The following SLC2A5 variants were observed in gnomAD, a reference collection of about 807,000 sequenced individuals.
SLC2A5 encodes the protein solute carrier family 2 member 5.
A neutral mutation model predicts 50.3 loss-of-function variants in SLC2A5; 56 were observed. The observed-to-expected ratio is 1.11, with a 90% CI of 0.90 to 1.39. The LOEUF is 1.39. Ranked by LOEUF, SLC2A5 falls within the 40% of genes most tolerant of loss-of-function variation. SLC2A5 has a pLI of 0.00. For missense variants in SLC2A5, 566 were observed against 650.1 expected, an observed-to-expected ratio of 0.87 and a Z score of 1.41; for synonymous variants, 269 against 281.9, an observed-to-expected ratio of 0.95 and a Z score of 0.46.
chr1:9,055,476 C>T (rs534743361), intron 3 of SLC2A5, among the ~76,000 whole-genome samples: 4 of 151,942 alleles, frequency 2.6e-5, no homozygotes, highest in Non-Finnish European at 4.4e-5. Flanking sequence ...GAGATCACAC[C>T]ATTGCACTCC....
At chr1:9,041,585 T>C in intron 5 of SLC2A5, 200 bp downstream of exon 5, 2 of 1,432,668 alleles carry the variant, frequency 1.4e-6, no homozygotes, top group African/African-American at 1.4e-5. Context: ...TAGTAAACGC[T>C]GGCCAGTCCC....
In SLC2A5 at chr1:9,037,572, C is replaced by T. The variant is rs747675914; in HGVS notation, c.*14G>A. 1 of 1,612,628 alleles carries T rather than the reference C, an allele frequency of 6.2e-7. No homozygotes were observed. Among genetic ancestry groups the T allele is most frequent in the Non-Finnish European group, 8.5e-7 (1 of 1,179,038 alleles). On this transcript the variant is annotated 3_prime_UTR_variant, in exon 12 of 12. Coordinates refer to ENST00000377424, the MANE Select transcript of SLC2A5 (RefSeq NM_003039.3). ...GCCCCTGGCAGACCAGCTCCACTGG[C>T]TTCCTCTCCAGAGTCACTGTTCCGA... is the stretch of plus-strand genomic sequence containing the variant.
chr1:9,076,564 C>T (rs1009034518), intron 2 of SLC2A5, among the ~76,000 whole-genome samples: 14 of 152,090 alleles, frequency 9.2e-5, no homozygotes, highest in Non-Finnish European at 1.5e-4. Flanking sequence ...ATGCACAAAA[C>T]GGGGTTGCTA....
At chr1:9,070,479 C>A (rs1642191862), upstream of SLC2A5, among the ~76,000 whole-genome samples, 1 of 152,082 alleles carries the variant, frequency 6.6e-6, no homozygotes, top group Non-Finnish European at 1.5e-5. Context: ...GAACCCCTTT[C>A]CAGGCAGGGC....
At chr1:9,043,776 C>T (rs1018521458) in intron 4 of SLC2A5, among the ~76,000 whole-genome samples, 2 of 150,862 alleles carry the variant, frequency 1.3e-5, no homozygotes, top group Non-Finnish European at 2.9e-5. Context: ...GGCTGGAGTG[C>T]AGTGGTGCGA....
At chr1:9,080,803 A>G (rs1370649343) in intron 2 of SLC2A5, among the ~76,000 whole-genome samples, 1 of 152,258 alleles carries the variant, frequency 6.6e-6, no homozygotes. Context: ...AATTATTTTG[A>G]GTCTTAAAGG....
intron 3 of SLC2A5, among the ~76,000 whole-genome samples, chr1:9,048,265 T>G (rs1641484849): frequency 6.6e-6 from 1 of 152,124 alleles, no homozygotes; most frequent in Non-Finnish European, 1.5e-5. Context: ...TCCCAGCACT[T>G]TGGGAGGCCG....
intron 2 of SLC2A5, among the ~76,000 whole-genome samples, chr1:9,083,718 G>C (rs111584078): frequency 0.026 from 3,962 of 152,204 alleles, 100 homozygotes; most frequent in South Asian, 0.064. Context: ...CCAGCTACTC[G>C]GGAGGCTGAG....
chr1:9,060,590 CACAT>C (rs1641910621), intron 1 of SLC2A5, among the ~76,000 whole-genome samples: 1 of 123,668 alleles, frequency 8.1e-6, no homozygotes, highest in South Asian at 3.1e-4. Context: ...ACCCCCCACA[CACAT>C]AGGCAGAAAT....
At chr1:9,039,020 C>T (rs1421877528) in intron 8 of SLC2A5, 91 bp from the exon 9 acceptor site, 3 of 1,457,034 alleles carry the variant, frequency 2.1e-6, no homozygotes, top group Middle Eastern at 2.3e-4. Flanking sequence ...GAGAGCTGGG[C>T]GGACCGGGTG....
chr1:9,074,963 A>G (rs1168644415), intron 2 of SLC2A5, among the ~76,000 whole-genome samples: 2 of 152,072 alleles, frequency 1.3e-5, no homozygotes, highest in African/African-American at 2.4e-5. Context: ...TTCAGGCTGC[A>G]GTGAGATGTG....
chr1:9,083,353 T>C lies in SLC2A5; in HGVS notation c.-59+1661A>G, dbSNP rs532327587. Among the ~76,000 whole-genome samples the C allele has an allele frequency of 4.6e-5, 7 of 152,196 alleles. No homozygotes were observed. In the South Asian group the frequency reaches 1.2e-3, roughly 27 times the overall value. ...ATAATACAGGGTGGTCGCAGGAGAATAGAAAATTCCAGGCAGCAGTTTTGC... is the reference window on the plus strand; with the variant it reads ...ATAATACAGGGTGGTCGCAGGAGAACAGAAAATTCCAGGCAGCAGTTTTGC... On this transcript the variant is annotated intron_variant, in intron 2 of 5. Transcript: ENST00000464985.
chr1:9,075,694 CT>C (rs1322146833), intron 2 of SLC2A5, among the ~76,000 whole-genome samples: 2 of 152,036 alleles, frequency 1.3e-5, no homozygotes, highest in Non-Finnish European at 2.9e-5. Context: ...AAGTCTCACT[CT>C]TGTCCCCCAG....
chr1:9,039,626 C>T lies in SLC2A5; in HGVS notation c.922G>A (p.Gly308Ser), dbSNP rs1641239491. ...YYADQIYLSA[G>S]VPEEHVQYVT... ...TACTGCACGTGCTCCTCCGGCACGC[C>T]GGCGCTCAGGTAGATCTGGTCCGCG... Residue 308 changes from glycine (G) to serine (S), a missense_variant, in exon 8 of 12, where the codon GGC (glycine) becomes AGC (serine). Coordinates refer to ENST00000377424, the MANE Select transcript of SLC2A5 (RefSeq NM_003039.3). 6.4e-7 allele frequency: 1 copy of T among 1,564,608 alleles called. No individual in the cohort carries two copies. The highest frequency in any genetic ancestry group is 8.7e-7 in the Non-Finnish European group (1 of 1,155,498).
At position 9,065,135 on chromosome 1, in the gene SLC2A5, G is replaced by A. The variant is rs187709201; in HGVS notation, c.33+4369C>T. 5.3e-5 allele frequency among the ~76,000 whole-genome samples: 8 copies of A among 151,266 alleles called. No homozygotes were observed. The East Asian group carries it at 7.8e-4, about 15-fold the overall frequency. On this transcript the variant is annotated intron_variant, in intron 1 of 11. Coordinates refer to ENST00000377424, the MANE Select transcript of SLC2A5 (RefSeq NM_003039.3). ...CCAGTGAGAATTCCTAACAAACACCGTTTGTAATCACTCCTCTCCTGATTT... is the reference window on the plus strand; with the variant it reads ...CCAGTGAGAATTCCTAACAAACACCATTTGTAATCACTCCTCTCCTGATTT...
intron 4 of SLC2A5, among the ~76,000 whole-genome samples, chr1:9,046,636 A>G (rs1315145529): frequency 6.6e-6 from 1 of 151,810 alleles, no homozygotes; most frequent in African/African-American, 2.4e-5. Context: ...AAAAATACAG[A>G]AATACATTTT....
chr1:9,069,420 C>G (rs1449525471), intron 1 of SLC2A5, 84 bp downstream of exon 1: 1 of 1,390,478 alleles, frequency 7.2e-7, no homozygotes, highest in South Asian at 1.2e-5. Context: ...ACACCAGGAG[C>G]CCCCCAGCGA....
chr1:9,077,829 C>CA (rs1557684924), intron 2 of SLC2A5, among the ~76,000 whole-genome samples: 1 of 146,430 alleles, frequency 6.8e-6, no homozygotes, highest in South Asian at 2.2e-4. Context: ...GAGGGAGGGG[C>CA]AATGGGAGTG....
At chr1:9,058,616 G>C (rs1641824402) in intron 1 of SLC2A5, among the ~76,000 whole-genome samples, 1 of 152,222 alleles carries the variant, frequency 6.6e-6, no homozygotes, top group African/African-American at 2.4e-5. Context: ...CACTGGATCA[G>C]AGAGAAGCTG....
Sources: gnomAD v4.1 joint callset for allele counts (sites outside exome capture counted in the v4.1 genomes callset) on GRCh38, gnomAD v4.1.1 for gene constraint, MANE v1.5 for transcripts, NCBI Gene and HGNC (gene_info 2026-07-23, HGNC 2026-07-21) for gene names.